Variants in SLC44A3 observed in about 807,000 individuals in gnomAD.
SLC44A3 encodes the protein solute carrier family 44 member 3.
A neutral mutation model predicts 75.4 loss-of-function variants in SLC44A3; 74 were observed. The observed-to-expected ratio is 0.98, with a 90% CI of 0.81 to 1.19. The LOEUF (loss-of-function observed/expected upper bound fraction) is 1.19. SLC44A3 is among the 50% of genes most tolerant of loss of function. The pLI, the probability that SLC44A3 is intolerant of heterozygous loss-of-function variation, is 0.00. For synonymous variants in SLC44A3, 310 were observed against 296.9 expected, an observed-to-expected ratio of 1.04 and a Z score of -0.45; for missense variants, 700 against 778.6, an observed-to-expected ratio of 0.90 and a Z score of 1.20.
At chr1:94,854,892 C>A (rs1388109943) in intron 9 of SLC44A3, among the ~76,000 whole-genome samples, 1 of 152,206 alleles carries the variant, frequency 6.6e-6, no homozygotes, top group Non-Finnish European at 1.5e-5. Context: ...CAGCCCCAGC[C>A]CCAGCCCCAG....
In SLC44A3 at chr1:94,824,629, T is replaced by TA; in HGVS notation, c.278dup (p.His94ThrfsTer29). The TA allele has an allele frequency of 3.8e-6, 6 of 1,577,880 alleles. No homozygotes were observed. Among genetic ancestry groups the TA allele is most frequent in the Non-Finnish European group, 5.1e-6 (6 of 1,167,902 alleles). ...CCTCTTTCAGGGCAGGACATGACCC[T>TA]AAAAAAGTAAGTATCTAAATAAGTC... On this transcript the variant is annotated frameshift_variant, in exon 3 of 15. Transcript: ENST00000271227. LOFTEE classifies it high-confidence loss of function.
chr1:94,889,928 G>A (rs927918476), intron 12 of SLC44A3, among the ~76,000 whole-genome samples: 12 of 151,672 alleles, frequency 7.9e-5, no homozygotes, highest in African/African-American at 1.5e-4. Flanking sequence ...TTGGCTCACC[G>A]CAAACTCCGC....
chr1:94,827,473 T>C, intron 3 of SLC44A3, 34 bp from the exon 4 acceptor site: 1 of 1,613,792 alleles, frequency 6.2e-7, no homozygotes. Flanking sequence ...GAAGCAATGC[T>C]CTAACACATT....
At chr1:94,871,493 AAGCACTC>A (rs1265916982) in intron 12 of SLC44A3, among the ~76,000 whole-genome samples, 1 of 152,204 alleles carries the variant, frequency 6.6e-6, no homozygotes, top group African/African-American at 2.4e-5. Flanking sequence ...ACTACAGGCT[AAGCACTC>A]AGCAAGAATG....
chr1:94,866,997 G>T (rs1667234909), intron 11 of SLC44A3, among the ~76,000 whole-genome samples: 1 of 151,920 alleles, frequency 6.6e-6, no homozygotes, highest in African/African-American at 2.4e-5. Context: ...AAAAAGCAAA[G>T]TGTACCATTT....
At chr1:94,892,558 G>C in intron 14 of SLC44A3, 41 bp downstream of exon 14, 6 of 1,575,782 alleles carry the variant, frequency 3.8e-6, no homozygotes, top group Non-Finnish European at 5.2e-6. Flanking sequence ...CTCCATGCTC[G>C]CAATCTTGAA....
Position 94,894,889 on chromosome 1 carries a change from G to C in SLC44A3, c.1929G>C (p.Glu643Asp), listed in dbSNP as rs1172351215. Residue 643 changes from glutamate to aspartate, a missense_variant, in exon 15 of 15, where the codon GAG becomes GAC. Transcript: ENST00000271227. ...AQQDKHSLRNEEGTELQAIVR is the reference protein window; with the variant it reads ...AQQDKHSLRNDEGTELQAIVR ...AGGACAAGCACTCATTAAGGAATGAGGAGGGAACAGAACTCCAGGCCATTG... is the reference window on the plus strand; with the variant it reads ...AGGACAAGCACTCATTAAGGAATGACGAGGGAACAGAACTCCAGGCCATTG... The C allele has an allele frequency of 1.9e-6, 3 of 1,612,038 alleles. No homozygotes were observed. Among genetic ancestry groups the C allele is most frequent in the Admixed American group, 3.3e-5 (2 of 60,010 alleles).
chr1:94,827,948 CAGAA>C (rs767679633), intron 4 of SLC44A3, among the ~76,000 whole-genome samples: 22 of 152,056 alleles, frequency 1.4e-4, no homozygotes, highest in Non-Finnish European at 2.5e-4. Flanking sequence ...AAGGCGGTGT[CAGAA>C]GGAAGGCAGA....
chr1:94,868,407 G>A (rs990434683), intron 12 of SLC44A3, among the ~76,000 whole-genome samples: 4 of 152,170 alleles, frequency 2.6e-5, no homozygotes, highest in Admixed American at 2.0e-4. Flanking sequence ...AGGGAAAAAT[G>A]TAGCCTTCTT....
At chr1:94,847,505 G>A (rs570100310) in intron 9 of SLC44A3, among the ~76,000 whole-genome samples, 9 of 152,260 alleles carry the variant, frequency 5.9e-5, no homozygotes, top group East Asian at 3.9e-4. Context: ...GGGCAGGCAC[G>A]CACCAATCAG....
At chr1:94,862,621 G>A (rs1033998543) in intron 10 of SLC44A3, among the ~76,000 whole-genome samples, 1 of 152,194 alleles carries the variant, frequency 6.6e-6, no homozygotes, top group Non-Finnish European at 1.5e-5. Flanking sequence ...GAAGGGGGAA[G>A]CTGGGCTTCA....
chr1:94,828,418 T>C, intron 4 of SLC44A3, 75 bp from the exon 5 acceptor site: 6 of 1,217,816 alleles, frequency 4.9e-6, no homozygotes, highest in Non-Finnish European at 7.1e-6. Flanking sequence ...TCCTTTCTGG[T>C]TTGGTAACAT....
chr1:94,866,416 T>G (rs1667176975), intron 11 of SLC44A3, among the ~76,000 whole-genome samples: 1 of 152,182 alleles, frequency 6.6e-6, no homozygotes, highest in South Asian at 2.1e-4. Flanking sequence ...CAAAATTGCT[T>G]TTAGTGATGT....
chr1:94,838,749 G>T (rs989476417), intron 6 of SLC44A3, among the ~76,000 whole-genome samples: 1 of 152,090 alleles, frequency 6.6e-6, no homozygotes, highest in Non-Finnish European at 1.5e-5. Flanking sequence ...GACTTCAATT[G>T]ACTCAAACAA....
intron 9 of SLC44A3, among the ~76,000 whole-genome samples, chr1:94,852,504 A>G (rs934611434): frequency 2.0e-5 from 3 of 152,066 alleles, no homozygotes; most frequent in Non-Finnish European, 1.5e-5. Flanking sequence ...GGCGAGGGAG[A>G]GCTTGGTTCA....
At chr1:94,823,633 A>G (rs919020666) in intron 2 of SLC44A3, among the ~76,000 whole-genome samples, 1 of 152,220 alleles carries the variant, frequency 6.6e-6, no homozygotes, top group Admixed American at 6.5e-5. Context: ...TCTAGAAGGT[A>G]TTTGAATTTA....
At chr1:94,832,285 T>C (rs1662230487) in intron 5 of SLC44A3, among the ~76,000 whole-genome samples, 1 of 152,208 alleles carries the variant, frequency 6.6e-6, no homozygotes, top group South Asian at 2.1e-4. Context: ...AAGATCAGTG[T>C]ATTTCATTGT....
intron 9 of SLC44A3, among the ~76,000 whole-genome samples, chr1:94,853,357 A>T (rs999980338): frequency 6.6e-6 from 1 of 152,234 alleles, no homozygotes; most frequent in African/African-American, 2.4e-5. Flanking sequence ...AAGAGTAAGT[A>T]TAGACAATCT....
intron 8 of SLC44A3, 30 bp from the exon 9 acceptor site, chr1:94,845,248 A>G: frequency 6.4e-7 from 1 of 1,560,830 alleles, no homozygotes; most frequent in Non-Finnish European, 8.7e-7. Context: ...ATTATTTGGA[A>G]GTAATTTACT....
Sources: allele counts gnomAD v4.1 joint callset (sites outside exome capture counted in the v4.1 genomes callset), GRCh38; gene constraint gnomAD v4.1.1; transcripts MANE v1.5; gene names NCBI Gene and HGNC (gene_info 2026-07-23, HGNC 2026-07-21).